SYCP2L: variants seen among roughly 807,000 people sequenced by gnomAD.
SYCP2L encodes synaptonemal complex protein 2-like.
SYCP2L carries 98 observed loss-of-function variants against 125.8 expected under a neutral mutation model. The observed-to-expected ratio is 0.78, with a 90% CI of 0.66 to 0.92. SYCP2L has a LOEUF of 0.92. SYCP2L is among the 40% of genes least tolerant of loss of function. The pLI is 0.00. For synonymous variants in SYCP2L, 317 were observed against 325.4 expected (o/e 0.97, Z 0.28); for missense variants, 842 against 936.4 (o/e 0.90, Z 1.32).
chr6:10,906,847 C>CAT (rs1780505397), intron 9 of SYCP2L, among the ~76,000 whole-genome samples: 1 of 151,924 alleles, frequency 6.6e-6, no homozygotes, highest in African/African-American at 2.4e-5. Flanking sequence ...GATCCTCCTG[C>CAT]CTCGGCCTCC....
At chr6:10,953,271 C>T (rs1179217202) in intron 23 of SYCP2L, among the ~76,000 whole-genome samples, 2 of 152,058 alleles carry the variant, frequency 1.3e-5, no homozygotes, top group Non-Finnish European at 2.9e-5. Flanking sequence ...GTAGTTTTAT[C>T]AGATCTTAAA....
chr6:10,943,659 T>C (rs9461337), intron 23 of SYCP2L, among the ~76,000 whole-genome samples: 2 of 152,230 alleles, frequency 1.3e-5, no homozygotes, highest in African/African-American at 4.8e-5. Context: ...TTATTACTTA[T>C]TAATTTCTTT....
intron 10 of SYCP2L, 142 bp from the exon 11 acceptor site, chr6:10,910,006 A>G (rs1581822090): frequency 3.7e-5 from 23 of 629,664 alleles, no homozygotes; most frequent in Non-Finnish European, 6.3e-5. Flanking sequence ...TTAACATATA[A>G]TAACAAATCC....
At chr6:10,940,335 C>A (rs1426545013) in intron 21 of SYCP2L, among the ~76,000 whole-genome samples, 1 of 152,124 alleles carries the variant, frequency 6.6e-6, no homozygotes, top group Non-Finnish European at 1.5e-5. Flanking sequence ...ATGTATATAT[C>A]CAAAGCAGAT....
intron 23 of SYCP2L, among the ~76,000 whole-genome samples, chr6:10,943,644 C>G (rs1051804223): frequency 6.6e-6 from 1 of 152,178 alleles, no homozygotes; most frequent in Non-Finnish European, 1.5e-5. Flanking sequence ...TCCTTCCATA[C>G]CAGATTATTA....
At chr6:10,894,708 AAAT>A (rs145371881) in intron 4 of SYCP2L, among the ~76,000 whole-genome samples, 31,437 of 152,084 alleles carry the variant, frequency 0.21, 3,291 homozygotes, top group East Asian at 0.34. Context: ...ATTCTTTTAA[AAAT>A]AATAACCAAG....
intron 8 of SYCP2L, 118 bp from the exon 9 acceptor site, chr6:10,905,902 C>T: frequency 1.5e-6 from 1 of 648,020 alleles, no homozygotes; most frequent in Non-Finnish European, 2.6e-6. Flanking sequence ...AATTTTGATG[C>T]TGAATTTGAA....
In SYCP2L at chr6:10,907,588, G is replaced by T. The variant is rs756026362; in HGVS notation, c.723G>T (p.Thr241=). The change falls in exon 10 of 30, where the codon ACG becomes ACT. Residue 241 remains threonine (T), a synonymous_variant. Coordinates refer to ENST00000283141, the MANE Select transcript of SYCP2L (RefSeq NM_001040274.3). ...VAISEALCRL[T]IKKSRDELVH... ...TTTCTGAAGCGCTGTGTAGACTGAC[G>T]ATTAAAAAATCAAGGGATGAACTTG... The T allele has an allele frequency of 1.2e-6, 2 of 1,613,786 alleles. No individual in the cohort carries two copies. Among genetic ancestry groups the T allele is most frequent in the Non-Finnish European group, 1.7e-6 (2 of 1,179,850 alleles).
intron 6 of SYCP2L, among the ~76,000 whole-genome samples, chr6:10,900,024 T>TCTAC (rs1159876046): frequency 1.3e-5 from 2 of 152,252 alleles, no homozygotes; most frequent in Non-Finnish European, 2.9e-5. Flanking sequence ...ATATATTCAC[T>TCTAC]CTACGGTCAT....
At chr6:10,895,632 G>GC (rs1383095281) in intron 4 of SYCP2L, among the ~76,000 whole-genome samples, 2 of 151,638 alleles carry the variant, frequency 1.3e-5, no homozygotes, top group East Asian at 3.9e-4. Context: ...AGAACAAAAG[G>GC]GGGGGGTACT....
chr6:10,945,809 A>C (rs887001482), intron 23 of SYCP2L, among the ~76,000 whole-genome samples: 1 of 151,660 alleles, frequency 6.6e-6, no homozygotes, highest in Non-Finnish European at 1.5e-5. Flanking sequence ...AAGTCTTTAG[A>C]TAAAAGTAAA....
At chr6:10,913,075 C>G in intron 14 of SYCP2L, 148 bp downstream of exon 14, 3 of 657,734 alleles carry the variant, frequency 4.6e-6, no homozygotes, top group Non-Finnish European at 7.5e-6. Context: ...TGCGCTGTCA[C>G]AGGTTTGTGA....
At chr6:10,921,470 T>C (rs1038448357) in intron 14 of SYCP2L, among the ~76,000 whole-genome samples, 3 of 152,200 alleles carry the variant, frequency 2.0e-5, no homozygotes, top group African/African-American at 4.8e-5. Context: ...CCTTCCACAA[T>C]GGTTGAACTA....
At chr6:10,887,172 C>T (rs1780086964) in intron 1 of SYCP2L, 37 bp downstream of exon 1, 6 of 1,613,806 alleles carry the variant, frequency 3.7e-6, no homozygotes, top group African/African-American at 1.3e-5. Context: ...CTTCTGTCCA[C>T]AGTGCTAGGG....
At chr6:10,929,196 C>T (rs917421420) in intron 18 of SYCP2L, among the ~76,000 whole-genome samples, 7 of 152,130 alleles carry the variant, frequency 4.6e-5, no homozygotes, top group Admixed American at 3.3e-4. Context: ...TGGCCGCACC[C>T]GGCTGTGTAT....
chr6:10,898,924 T>C, intron 6 of SYCP2L, 76 bp downstream of exon 6: 4 of 959,224 alleles, frequency 4.2e-6, no homozygotes, highest in Middle Eastern at 2.4e-4. Flanking sequence ...AAAAGAAAAA[T>C]GATATGTAAA....
intron 11 of SYCP2L, 84 bp from the exon 12 acceptor site, chr6:10,910,740 T>C: frequency 7.0e-7 from 1 of 1,429,360 alleles, no homozygotes; most frequent in Non-Finnish European, 9.8e-7. Context: ...CATACTCTAG[T>C]TATAAGTGCT....
At chr6:10,933,695 TA>T (rs542080524) in intron 20 of SYCP2L, among the ~76,000 whole-genome samples, 43 of 152,138 alleles carry the variant, frequency 2.8e-4, no homozygotes, top group Non-Finnish European at 5.9e-4. Context: ...TTTGAAAAAT[TA>T]AAAAGAGAAG....
intron 21 of SYCP2L, among the ~76,000 whole-genome samples, chr6:10,937,738 A>G (rs559470243): frequency 6.6e-6 from 1 of 152,342 alleles, no homozygotes; most frequent in South Asian, 2.1e-4. Context: ...AGACACTACA[A>G]CTGATACCAC....
Sources: allele counts gnomAD v4.1 joint callset (sites outside exome capture counted in the v4.1 genomes callset), GRCh38; gene constraint gnomAD v4.1.1; transcripts MANE v1.5; gene names NCBI Gene and HGNC (gene_info 2026-07-23, HGNC 2026-07-21).